The following TNNI3K variants were observed in gnomAD, a reference collection of about 807,000 sequenced individuals.
The protein encoded by TNNI3K is serine/threonine-protein kinase TNNI3K.
Under a neutral mutation model 114.5 loss-of-function variants are expected in TNNI3K, and 140 were observed. That is an observed-to-expected ratio of 1.22 (90% CI 1.07 to 1.41). The LOEUF (loss-of-function observed/expected upper bound fraction) is 1.41, where lower values mean the gene tolerates loss of function less well. Among genes scored for constraint, TNNI3K ranks in the 40% most tolerant of loss-of-function variants. TNNI3K has a pLI of 0.00. For missense variants in TNNI3K, 1,125 were observed against 1,007.6 expected (o/e 1.12, Z -1.58); for synonymous variants, 347 against 347.5 (o/e 1.00, Z 0.02).
intron 23 of TNNI3K, among the ~76,000 whole-genome samples, chr1:74,533,504 T>C (rs375209958): frequency 0.033 from 4,993 of 151,766 alleles, 176 homozygotes; most frequent in African/African-American, 0.12. Flanking sequence ...GTCAGTGTGG[T>C]GATTCCTCAG....
intron 5 of TNNI3K, among the ~76,000 whole-genome samples, chr1:74,324,871 T>A (rs1659815623): frequency 6.6e-6 from 1 of 152,164 alleles, no homozygotes; most frequent in African/African-American, 2.4e-5. Context: ...GCTTATCTGC[T>A]GCTCAGTTGT....
At chr1:74,355,146 T>G (rs1661584405) in intron 11 of TNNI3K, among the ~76,000 whole-genome samples, 1 of 152,236 alleles carries the variant, frequency 6.6e-6, no homozygotes, top group Non-Finnish European at 1.5e-5. Flanking sequence ...TAATTGTTAT[T>G]TTAACTTTTG....
At chr1:74,325,483 T>C (rs920906344) in intron 5 of TNNI3K, among the ~76,000 whole-genome samples, 1 of 152,188 alleles carries the variant, frequency 6.6e-6, no homozygotes, top group Non-Finnish European at 1.5e-5. Flanking sequence ...ACTGTGTCCC[T>C]GGTGACTAAG....
rs45556631 is a variant in TNNI3K at position 74,523,441 on chromosome 1, C to CTT, written c.2352-16786_2352-16785dup. On this transcript the variant is annotated intron_variant, in intron 23 of 24. Coordinates refer to ENST00000326637, the MANE Select transcript of TNNI3K (RefSeq NM_015978.3). ...TACTTGGCTGATGTATAAGATTTTT[C>CTT]TTTTTTTTAATTTTCTTTTGAAATG... is the stretch of plus-strand genomic sequence containing the variant. Among the ~76,000 whole-genome samples the CTT allele has an allele frequency of 3.7e-4, 56 of 151,336 alleles. No homozygotes were observed. In the South Asian group the frequency reaches 5.6e-3, roughly 15 times the overall value.
At position 74,312,931 on chromosome 1, in the gene TNNI3K, T is replaced by C. The variant is rs1046545734; in HGVS notation, c.445-18519T>C. Among the ~76,000 whole-genome samples, 3 of 152,326 alleles carry C rather than the reference T, an allele frequency of 2.0e-5. No homozygotes were observed. In the South Asian group the frequency reaches 6.2e-4, roughly 32 times the overall value. On this transcript the variant is annotated intron_variant, in intron 5 of 24. Transcript: ENST00000326637. ...TTAAATCTTTGCCTTCCTTGTTTCA[T>C]CAATGCGGCCACCTGAGCTCCCATG...
chr1:74,277,767 G>A lies in TNNI3K; in HGVS notation c.444+6059G>A, dbSNP rs963278956. 2.6e-5 allele frequency among the ~76,000 whole-genome samples: 4 copies of A among 152,304 alleles called. No homozygotes were observed. The East Asian group carries it at 7.7e-4, about 29-fold the overall frequency. On this transcript the variant is annotated intron_variant, in intron 5 of 24. Transcript: ENST00000326637. The stretch of plus-strand genomic sequence containing the variant: ...CATGTAAACCAATGTGTAATGTATA[G>A]AGGTTGTGGAGTGGTTTTCTTATTA...
chr1:74,367,166 A>G (rs1662316929), intron 11 of TNNI3K, 90 bp from the exon 12 acceptor site: 4 of 1,260,020 alleles, frequency 3.2e-6, no homozygotes, highest in Non-Finnish European at 4.5e-6. Flanking sequence ...CTATGTTGTA[A>G]GCTACTTCCA....
chr1:74,526,675 T>G (rs1355881853), intron 23 of TNNI3K, among the ~76,000 whole-genome samples: 1 of 152,234 alleles, frequency 6.6e-6, no homozygotes, highest in Non-Finnish European at 1.5e-5. Context: ...CTCATGCATT[T>G]TAGTCTTTAA....
intron 20 of TNNI3K, among the ~76,000 whole-genome samples, chr1:74,457,542 C>T (rs935268012): frequency 6.6e-6 from 1 of 152,094 alleles, no homozygotes; most frequent in Non-Finnish European, 1.5e-5. Flanking sequence ...CGCAGCCCTG[C>T]CCATTAAAAA....
chr1:74,351,463 G>C (rs935039523), intron 9 of TNNI3K, among the ~76,000 whole-genome samples: 6 of 151,120 alleles, frequency 4.0e-5, no homozygotes, highest in Non-Finnish European at 8.9e-5. Flanking sequence ...GCTCTTCTCG[G>C]GGAGTATCTT....
At position 74,527,799 on chromosome 1, in the gene TNNI3K, T is replaced by C. The variant is rs528359756; in HGVS notation, c.2352-12435T>C. On this transcript the variant is annotated intron_variant, in intron 23 of 24. Coordinates refer to ENST00000326637, the MANE Select transcript of TNNI3K (RefSeq NM_015978.3). ...CATGAATGATTTAGTCCAAAACCATTGGACAGGGCTGAGTAAGGTGGACTT... is the reference window on the plus strand; with the variant it reads ...CATGAATGATTTAGTCCAAAACCATCGGACAGGGCTGAGTAAGGTGGACTT... Among the ~76,000 whole-genome samples, 24 of 152,324 alleles carry C rather than the reference T, an allele frequency of 1.6e-4. No homozygotes were observed. The South Asian group carries it at 5.0e-3, about 32-fold the overall frequency.
chr1:74,334,347 T>C (rs1027373909), intron 6 of TNNI3K, among the ~76,000 whole-genome samples: 3 of 152,192 alleles, frequency 2.0e-5, no homozygotes, highest in African/African-American at 7.2e-5. Flanking sequence ...CAAGACATGG[T>C]TATTTGCTGA....
At chr1:74,478,974 G>A (rs1410192706) in intron 21 of TNNI3K, among the ~76,000 whole-genome samples, 1 of 152,090 alleles carries the variant, frequency 6.6e-6, no homozygotes, top group Non-Finnish European at 1.5e-5. Context: ...ACTGCTGATG[G>A]TAGTTCCATT....
chr1:74,531,945 C>T (rs1391196771), intron 23 of TNNI3K, among the ~76,000 whole-genome samples: 2 of 152,132 alleles, frequency 1.3e-5, no homozygotes, highest in African/African-American at 4.8e-5. Context: ...ATCCAAATGG[C>T]TAAATCATCC....
intron 20 of TNNI3K, among the ~76,000 whole-genome samples, chr1:74,453,596 A>G (rs1448256892): frequency 1.3e-5 from 2 of 152,162 alleles, no homozygotes; most frequent in African/African-American, 4.8e-5. Context: ...CAATATTAGC[A>G]TTGACTCCTA....
chr1:74,247,732 A>G lies in TNNI3K; in HGVS notation c.150-1727A>G, dbSNP rs572003870. Among the ~76,000 whole-genome samples, 249 of 152,268 alleles carry G rather than the reference A, an allele frequency of 1.6e-3. 1 individual carries two copies. Among genetic ancestry groups the G allele is most frequent in the African/African-American group, 5.8e-3 (243 of 41,562 alleles). On this transcript the variant is annotated intron_variant, in intron 2 of 24. Coordinates refer to ENST00000326637, the MANE Select transcript of TNNI3K (RefSeq NM_015978.3). Reference sequence around the variant, plus strand: ...ACAGAGTGCTGATTGGTGCATCCACAAACCCCAAGACAGACACAGAGTGCT... The same window carrying G: ...ACAGAGTGCTGATTGGTGCATCCACGAACCCCAAGACAGACACAGAGTGCT...
intron 17 of TNNI3K, among the ~76,000 whole-genome samples, chr1:74,435,467 T>G (rs45626532): frequency 0.021 from 3,147 of 152,148 alleles, 109 homozygotes; most frequent in African/African-American, 0.07. Flanking sequence ...ACACTCTTCT[T>G]AATCTAACTT....
At chr1:74,337,954 AT>A (rs1276505427) in intron 7 of TNNI3K, among the ~76,000 whole-genome samples, 5 of 152,068 alleles carry the variant, frequency 3.3e-5, no homozygotes, top group Non-Finnish European at 7.4e-5. Flanking sequence ...CCTAGTAGAC[AT>A]TTTAATATTT....
intron 4 of TNNI3K, among the ~76,000 whole-genome samples, chr1:74,260,314 T>A (rs1029018268): frequency 3.3e-5 from 5 of 152,200 alleles, no homozygotes; most frequent in African/African-American, 1.2e-4. Flanking sequence ...CCTTGAGAAA[T>A]ACTTGTTTGG....
Sources: gnomAD v4.1 joint callset for allele counts (sites outside exome capture counted in the v4.1 genomes callset) on GRCh38, gnomAD v4.1.1 for gene constraint, MANE v1.5 for transcripts, NCBI Gene and HGNC (gene_info 2026-07-23, HGNC 2026-07-21) for gene names.